CCM2: variants seen among roughly 807,000 people sequenced by gnomAD.
The protein encoded by CCM2 is cerebral cavernous malformations 2 protein.
In CCM2, 25 loss-of-function variants were observed where a neutral mutation model predicts 44.9. That is an observed-to-expected ratio of 0.56 (90% CI 0.41 to 0.78). The LOEUF is 0.78. CCM2 is among the 30% of genes least tolerant of loss of function. CCM2 has a pLI of 0.00. For missense variants in CCM2, 481 were observed against 580.6 expected (o/e 0.83, Z 1.76); for synonymous variants, 219 against 241.1 (o/e 0.91, Z 0.85).
At chr7:45,020,196 C>G (rs1272101905) in intron 1 of CCM2, among the ~76,000 whole-genome samples, 1 of 152,178 alleles carries the variant, frequency 6.6e-6, no homozygotes, top group East Asian at 1.9e-4. Context: ...ATGTTCCCTT[C>G]TTTCAAGGGT....
intron 7 of CCM2, 40 bp from the exon 8 acceptor site, chr7:45,073,420 T>G (rs777479132): frequency 6.9e-7 from 1 of 1,443,166 alleles, no homozygotes; most frequent in East Asian, 2.3e-5. Flanking sequence ...GGATGGAGGG[T>G]CGGGGAAGCC....
intron 2 of CCM2, among the ~76,000 whole-genome samples, chr7:45,040,754 A>AGG (rs34522371): frequency 0.035 from 5,359 of 152,296 alleles, 132 homozygotes; most frequent in South Asian, 0.14. Flanking sequence ...TGGGAGGCCA[A>AGG]GGGGGGCAGA....
chr7:45,076,376 G>A lies in CCM2; in HGVS notation c.*319G>A, dbSNP rs1015320448. On this transcript the variant is annotated 3_prime_UTR_variant, in exon 10 of 10. Coordinates refer to ENST00000258781, the MANE Select transcript of CCM2 (RefSeq NM_031443.4). Reference sequence around the variant, plus strand: ...CTGTCGGCTGGGCCCTTGGACGGCTGTCAGTTTTGCACATGATGTTCCTAT... The same window carrying A: ...CTGTCGGCTGGGCCCTTGGACGGCTATCAGTTTTGCACATGATGTTCCTAT... 29 of 528,032 alleles carry A rather than the reference G, an allele frequency of 5.5e-5. No individual in the cohort carries two copies. Among genetic ancestry groups the A allele is most frequent in the Non-Finnish European group, 8.8e-5 (25 of 282,786 alleles). 32.7% of individuals were successfully genotyped at this position (528,032 alleles called of 1,614,324 possible).
intron 2 of CCM2, among the ~76,000 whole-genome samples, chr7:45,051,935 G>C (rs1308309113): frequency 6.6e-6 from 1 of 152,186 alleles, no homozygotes; most frequent in Non-Finnish European, 1.5e-5. Flanking sequence ...TTGATCTCCT[G>C]ACCTCGTGAT....
chr7:45,030,653 G>A (rs1796922718), intron 1 of CCM2, among the ~76,000 whole-genome samples: 2 of 152,132 alleles, frequency 1.3e-5, no homozygotes, highest in African/African-American at 2.4e-5. Context: ...GGCCTCAAGC[G>A]ATCCTCTTGC....
chr7:45,023,785 CAG>C (rs1796575350), intron 1 of CCM2, among the ~76,000 whole-genome samples: 1 of 55,948 alleles, frequency 1.8e-5, no homozygotes, highest in Admixed American at 2.1e-4. Context: ...AGCTCTGTAT[CAG>C]TTTTTTTTTT....
intron 1 of CCM2, among the ~76,000 whole-genome samples, chr7:45,018,773 T>C (rs1796365451): frequency 6.6e-6 from 1 of 151,542 alleles, no homozygotes; most frequent in Non-Finnish European, 1.5e-5. Context: ...TCTTTTTTTT[T>C]TTTTTGAGAT....
rs138210314 is a variant in CCM2, at chr7:45,031,993, AC to A, written c.31-6255del. Among the ~76,000 whole-genome samples the A allele has an allele frequency of 3.4e-3, 509 of 151,538 alleles. 13 individuals are homozygous for A. In the East Asian group the frequency reaches 0.04, roughly 12 times the overall value. On this transcript the variant is annotated intron_variant, in intron 1 of 9. Coordinates refer to ENST00000258781, the MANE Select transcript of CCM2 (RefSeq NM_031443.4). ...CCCAGCACCGGCTGTCCCTCCTACC[AC>A]CCCCTGCAGCTGAGAGCTGAGCAAA...
At chr7:45,019,239 T>A (rs1796387456) in intron 1 of CCM2, among the ~76,000 whole-genome samples, 2 of 151,868 alleles carry the variant, frequency 1.3e-5, no homozygotes, top group South Asian at 4.2e-4. Flanking sequence ...GCCCGGCTAA[T>A]GAAAAAAGTT....
At chr7:45,036,878 C>G (rs1040708441) in intron 1 of CCM2, among the ~76,000 whole-genome samples, 3 of 152,138 alleles carry the variant, frequency 2.0e-5, no homozygotes, top group Admixed American at 6.6e-5. Flanking sequence ...GGGGTTTCGG[C>G]TGCCATCTGT....
chr7:45,022,244 A>C (rs1796506948), intron 1 of CCM2, among the ~76,000 whole-genome samples: 1 of 127,624 alleles, frequency 7.8e-6, no homozygotes, highest in Non-Finnish European at 1.6e-5. Context: ...ATTAGGCCAC[A>C]TTTTAGTATG....
At chr7:45,011,416 C>CG (rs1308813149) in intron 1 of CCM2, among the ~76,000 whole-genome samples, 1 of 152,194 alleles carries the variant, frequency 6.6e-6, no homozygotes, top group East Asian at 1.9e-4. Context: ...GGGCTCCTCT[C>CG]GAACTCCTGA....
intron 2 of CCM2, among the ~76,000 whole-genome samples, chr7:45,055,036 C>T (rs1206845386): frequency 6.6e-6 from 1 of 152,136 alleles, no homozygotes; most frequent in East Asian, 1.9e-4. Flanking sequence ...AGATTCATCC[C>T]TATAGGAAGA....
intron 4 of CCM2, 36 bp downstream of exon 4, chr7:45,064,682 T>C (rs1224997294): frequency 1.2e-6 from 2 of 1,608,834 alleles, no homozygotes; most frequent in African/African-American, 2.7e-5. Flanking sequence ...GTCCTTGTCC[T>C]AAGGAGTACA....
At chr7:45,039,637 T>C (rs1468224324) in intron 2 of CCM2, among the ~76,000 whole-genome samples, 1 of 152,184 alleles carries the variant, frequency 6.6e-6, no homozygotes, top group Non-Finnish European at 1.5e-5. Context: ...TAAAAGTATA[T>C]AATATTTTCA....
rs144815455 is a variant in CCM2, at chr7:45,070,152, TGAGA to T, written c.745+195_745+198del. ...TGAAGGCAGAAGTGTCACCTGTCCTTGAGAGAGTTGCACCAGGTCAGCGCTATGG... is the reference window on the plus strand; with the variant it reads ...TGAAGGCAGAAGTGTCACCTGTCCTTGAGTTGCACCAGGTCAGCGCTATGG... On this transcript the variant is annotated intron_variant, in intron 6 of 9. Transcript: ENST00000258781. 3.3e-4 allele frequency: 221 copies of T among 677,876 alleles called. 1 individual carries two copies. The East Asian group carries it at 6.0e-3, about 18-fold the overall frequency. The allele number at this position is 677,876 out of a possible 1,614,324, so 42.0% of individuals were successfully genotyped here. A position where few individuals can be genotyped will look rare whatever the true frequency, so the allele number is the denominator to read the frequency against.
intron 1 of CCM2, among the ~76,000 whole-genome samples, chr7:45,025,246 A>G (rs10272817): frequency 0.082 from 12,501 of 152,188 alleles, 1,191 homozygotes; most frequent in African/African-American, 0.23. Context: ...TTTTTGTAAT[A>G]TGGTTCTACT....
chr7:45,064,078 G>A, intron 3 of CCM2, 77 bp downstream of exon 3: 1 of 1,034,100 alleles, frequency 9.7e-7, no homozygotes, highest in Non-Finnish European at 1.5e-6. Context: ...TTGGCCTCGT[G>A]GCTGTGAGGA....
At chr7:45,066,974 C>A (rs1463883021) in intron 4 of CCM2, among the ~76,000 whole-genome samples, 1 of 151,030 alleles carries the variant, frequency 6.6e-6, no homozygotes, top group Non-Finnish European at 1.5e-5. Flanking sequence ...GATCTCAGCT[C>A]ACTGCAAGCT....
Sources: gnomAD v4.1 joint callset for allele counts (sites outside exome capture counted in the v4.1 genomes callset) on GRCh38, gnomAD v4.1.1 for gene constraint, MANE v1.5 for transcripts, NCBI Gene and HGNC (gene_info 2026-07-23, HGNC 2026-07-21) for gene names.